RGMB: variants seen among roughly 807,000 people sequenced by gnomAD.
The protein encoded by RGMB is repulsive guidance molecule B.
RGMB carries 16 observed loss-of-function variants against 26.9 expected under a neutral mutation model. The observed-to-expected ratio is 0.60, with a 90% CI of 0.40 to 0.90. The LOEUF (loss-of-function observed/expected upper bound fraction) is 0.90, where lower values mean the gene tolerates loss of function less well. Ranked by LOEUF, RGMB falls within the 40% of genes least tolerant of loss-of-function variation. The probability of loss-of-function intolerance (pLI) is 0.00; values close to 1 mark genes in which losing one functional copy is unlikely to be tolerated. For synonymous variants in RGMB, 225 were observed against 229.3 expected, an observed-to-expected ratio of 0.98 and a Z score of 0.17; for missense variants, 512 against 573.3, an observed-to-expected ratio of 0.89 and a Z score of 1.09.
intron 2 of RGMB, among the ~76,000 whole-genome samples, chr5:98,782,766 CA>C (rs143634947): frequency 0.033 from 4,969 of 152,304 alleles, 248 homozygotes; most frequent in African/African-American, 0.11. Context: ...GCTACTAAGA[CA>C]GCTTCTCAGT....
upstream of RGMB, chr5:98,771,577 A>T (rs1561433399): frequency 6.6e-6 from 1 of 152,238 alleles, no homozygotes; most frequent in Non-Finnish European, 1.5e-5. Flanking sequence ...CTGAACACTT[A>T]TGCAGCAATA....
intron 1 of RGMB, among the ~76,000 whole-genome samples, chr5:98,778,446 C>T (rs1233574199): frequency 6.6e-6 from 1 of 152,156 alleles, no homozygotes; most frequent in Non-Finnish European, 1.5e-5. Flanking sequence ...CCTCATTTCT[C>T]AGATGAGGAC....
intron 2 of RGMB, among the ~76,000 whole-genome samples, chr5:98,791,921 A>G (rs1311147817): frequency 2.0e-5 from 3 of 152,176 alleles, no homozygotes; most frequent in African/African-American, 4.8e-5. Context: ...CTTTTGTATT[A>G]TTAGTAATTT....
rs763850160 is a variant in RGMB, at chr5:98,793,454, C to T, written c.1015C>T (p.Arg339Cys). Reference sequence around the variant, plus strand: ...TGCCATCCTGGGACACAGCCTGCCTCGCACCTCCTTGGTGCAGGCCTGGCC... The same window carrying T: ...TGCCATCCTGGGACACAGCCTGCCTTGCACCTCCTTGGTGCAGGCCTGGCC... ...VSAILGHSLP[R>C]TSLVQAWPGY... is the part of the protein sequence containing the mutation. Residue 339 changes from arginine to cysteine, a missense_variant, in exon 3 of 3, where the codon CGC becomes TGC. Physicochemically the swap from Arg to Cys is radical, Grantham distance 180 (BLOSUM62 -3). Transcript: ENST00000513185. 5.0e-6 allele frequency: 8 copies of T among 1,612,528 alleles called. No individual in the cohort carries two copies. Among genetic ancestry groups the T allele is most frequent in the Non-Finnish European group, 6.8e-6 (8 of 1,179,344 alleles).
intron 1 of RGMB, among the ~76,000 whole-genome samples, chr5:98,779,257 C>T (rs562499339): frequency 3.3e-5 from 5 of 152,276 alleles, no homozygotes; most frequent in African/African-American, 1.2e-4. Context: ...AACCTATGAA[C>T]AAATAGCAAC....
At chr5:98,778,193 G>T (rs946623322) in intron 1 of RGMB, among the ~76,000 whole-genome samples, 11 of 152,280 alleles carry the variant, frequency 7.2e-5, no homozygotes, top group African/African-American at 2.6e-4. Context: ...AGATTTAAGA[G>T]CAGTTTACTA....
In RGMB at chr5:98,774,033, C is replaced by A; in HGVS notation, c.-38C>A. 2.7e-6 allele frequency: 2 copies of A among 729,650 alleles called. No individual in the cohort carries two copies. The highest frequency in any genetic ancestry group is 4.5e-6 in the Non-Finnish European group (2 of 441,858). The allele number at this position is 729,650 out of a possible 1,614,324, so 45.2% of individuals were successfully genotyped here. On this transcript the variant is annotated 5_prime_UTR_variant, in exon 1 of 3. Coordinates refer to ENST00000513185, the MANE Select transcript of RGMB (RefSeq NM_001366508.1). ...AGACCCGCCACGGCGCCCGCGCCGC[C>A]GCCCTCGCCGGAGCCCACGAGACCT...
chr5:98,793,688 C>A lies in RGMB; in HGVS notation c.1249C>A (p.Arg417Ser). The A allele has an allele frequency of 6.2e-7, 1 of 1,611,970 alleles. No individual in the cohort carries two copies. The highest frequency in any genetic ancestry group is 1.1e-5 in the South Asian group (1 of 90,686). ...IFPSSGNGTP[R>S]GGSDLSVSLG... Reference sequence around the variant, plus strand: ...CCCCAGCAGTGGCAATGGGACTCCCCGTGGAGGCAGTGATTTGTCTGTCAG... The same window carrying A: ...CCCCAGCAGTGGCAATGGGACTCCCAGTGGAGGCAGTGATTTGTCTGTCAG... Residue 417 changes from arginine (R) to serine (S), a missense_variant, in exon 3 of 3, where the codon CGT (arginine) becomes AGT (serine). Transcript: ENST00000513185.
At chr5:98,786,921 T>TG (rs765238143) in intron 2 of RGMB, among the ~76,000 whole-genome samples, 1 of 152,074 alleles carries the variant, frequency 6.6e-6, no homozygotes, top group Admixed American at 6.5e-5. Flanking sequence ...CAAAAGAACA[T>TG]GGGGGTTCTT....
chr5:98,785,761 G>C (rs1465512459), intron 2 of RGMB, among the ~76,000 whole-genome samples: 1 of 152,090 alleles, frequency 6.6e-6, no homozygotes, highest in African/African-American at 2.4e-5. Context: ...TTACCTCCCT[G>C]AATTTTTTTA....
chr5:98,773,878 C>G lies in RGMB; in HGVS notation c.-193C>G. ...TGCCCCTGCGCCCCGCTGCTGCCGC[C>G]GCGGACTGGCTGCGCCGGCTGCGCG... is the stretch of plus-strand genomic sequence containing the variant. On this transcript the variant is annotated 5_prime_UTR_variant, in exon 1 of 3. Transcript: ENST00000513185. 3.9e-6 allele frequency: 2 copies of G among 509,276 alleles called. No homozygotes were observed. The highest frequency in any genetic ancestry group is 6.8e-6 in the Non-Finnish European group (2 of 292,546). 31.5% of individuals were successfully genotyped at this position (509,276 alleles called of 1,614,324 possible).
chr5:98,788,856 T>C (rs1425809486), intron 2 of RGMB, among the ~76,000 whole-genome samples: 2 of 152,220 alleles, frequency 1.3e-5, no homozygotes, highest in African/African-American at 4.8e-5. Flanking sequence ...ATGTATATGT[T>C]TTTCTCCTTT....
chr5:98,785,142 T>C (rs979281927), intron 2 of RGMB, among the ~76,000 whole-genome samples: 1 of 152,226 alleles, frequency 6.6e-6, no homozygotes, highest in African/African-American at 2.4e-5. Flanking sequence ...CAGTTACACC[T>C]CCCTGCTTAA....
chr5:98,787,572 C>A, intron 2 of RGMB, among the ~76,000 whole-genome samples: 1 of 152,218 alleles, frequency 6.6e-6, no homozygotes, highest in East Asian at 1.9e-4. Flanking sequence ...GGCCTGCCTT[C>A]ATATCTGGGC....
chr5:98,793,926 A>T lies in RGMB; in HGVS notation c.*173A>T, dbSNP rs936179231. 2 of 555,464 alleles carry T rather than the reference A, an allele frequency of 3.6e-6. No homozygotes were observed. The highest frequency in any genetic ancestry group is 3.1e-6 in the Non-Finnish European group (1 of 322,484). 34.4% of individuals were successfully genotyped at this position (555,464 alleles called of 1,614,324 possible). ...ATACTGTGTTTGGCTGTTTTCACAT[A>T]TGTTGGATGTAGTGTTCTTTGATTG... On this transcript the variant is annotated 3_prime_UTR_variant, in exon 3 of 3. Transcript: ENST00000513185.
chr5:98,773,733 G>A lies in RGMB; in HGVS notation c.-338G>A. On this transcript the variant is annotated 5_prime_UTR_variant, in exon 1 of 3. Coordinates refer to ENST00000513185, the MANE Select transcript of RGMB (RefSeq NM_001366508.1). ...AGCCTCTTGGAGGTCCACGCCCGCC[G>A]AGCCCACGCTGGCTGGGGCCGGGGT... 1 of 378,456 alleles carries A rather than the reference G, an allele frequency of 2.6e-6. No individual in the cohort carries two copies. Among genetic ancestry groups the A allele is most frequent in the Non-Finnish European group, 4.7e-6 (1 of 213,648 alleles). The allele number at this position is 378,456 out of a possible 1,614,324, so 23.4% of individuals were successfully genotyped here.
chr5:98,777,558 C>T (rs1348657514), intron 1 of RGMB, among the ~76,000 whole-genome samples: 1 of 152,192 alleles, frequency 6.6e-6, no homozygotes, highest in East Asian at 1.9e-4. Context: ...CTTAATGATG[C>T]TAGCTGTTTT....
At chr5:98,775,008 T>C (rs1054314653) in intron 1 of RGMB, among the ~76,000 whole-genome samples, 3 of 152,226 alleles carry the variant, frequency 2.0e-5, no homozygotes, top group Non-Finnish European at 2.9e-5. Context: ...CTCTTCACAC[T>C]ATTTTTTTCT....
At chr5:98,775,070 A>G (rs1409930042) in intron 1 of RGMB, among the ~76,000 whole-genome samples, 3 of 152,168 alleles carry the variant, frequency 2.0e-5, no homozygotes, top group East Asian at 3.9e-4. Flanking sequence ...TGAAAGGGTC[A>G]TTTTCCTTTA....
Sources: allele counts gnomAD v4.1 joint callset (sites outside exome capture counted in the v4.1 genomes callset), GRCh38; gene constraint gnomAD v4.1.1; transcripts MANE v1.5; gene names NCBI Gene and HGNC (gene_info 2026-07-23, HGNC 2026-07-21).